SRPRA: variants seen among roughly 807,000 people sequenced by gnomAD.
SRPRA encodes the protein signal recognition particle receptor subunit alpha.
Under a neutral mutation model 61.1 loss-of-function variants are expected in SRPRA, and 30 were observed. The observed-to-expected ratio is 0.49, with a 90% CI of 0.37 to 0.67. The LOEUF (loss-of-function observed/expected upper bound fraction) is 0.67. SRPRA is among the 30% of genes least tolerant of loss of function. The probability of loss-of-function intolerance (pLI) is 0.00; values close to 1 mark genes in which losing one functional copy is unlikely to be tolerated. For missense variants in SRPRA, 759 were observed against 828.4 expected, an observed-to-expected ratio of 0.92 and a Z score of 1.03; for synonymous variants, 324 against 299.7, an observed-to-expected ratio of 1.08 and a Z score of -0.84.
Position 126,265,828 on chromosome 11 carries a change from GGA to G in SRPRA, c.1052-7_1052-6del, listed in dbSNP as rs761391045. 10 of 1,614,128 alleles carry G rather than the reference GGA, an allele frequency of 6.2e-6. No individual in the cohort carries two copies. In the African/African-American group the frequency reaches 9.3e-5, roughly 15 times the overall value. On this transcript the variant is annotated splice_polypyrimidine_tract_variant and splice_region_variant and intron_variant, in intron 8 of 13. Transcript: ENST00000332118. This position sits in a 1 kb window ranked among gnomAD's most constrained non-coding sequence, Gnocchi z 6.3. ...TGTCTGCAGCCACGTTCTTAGCTGA[GGA>G]GAGGGGGACAGGTATGTCAGTTCCA...
At chr11:126,250,553 A>C in the SRPRA span, 1 of 1,614,108 alleles carries the variant, frequency 6.2e-7, no homozygotes, top group Non-Finnish European at 8.5e-7. This position sits in a 1 kb window ranked among gnomAD's most constrained non-coding sequence, Gnocchi z 5.1. Context: ...GTTTATATGA[A>C]GTATTTGATG....
the SRPRA span, among the ~76,000 whole-genome samples, chr11:126,249,731 C>CAAAA: frequency 3.7e-4 from 29 of 78,984 alleles, 1 homozygote; most frequent in African/African-American, 1.2e-3. Flanking sequence ...GACTCCGTCT[C>CAAAA]AAAAAAAAAA....
chr11:126,244,633 G>A, the SRPRA span, among the ~76,000 whole-genome samples: 4 of 151,980 alleles, frequency 2.6e-5, no homozygotes, highest in Admixed American at 1.3e-4. The surrounding 1 kb of genome is among the most constrained non-coding windows in gnomAD (Gnocchi z 4.5). Flanking sequence ...GTGAAACCCC[G>A]TCTCTACTAA....
At chr11:126,239,194 C>T in the SRPRA span, among the ~76,000 whole-genome samples, 1 of 151,984 alleles carries the variant, frequency 6.6e-6, no homozygotes, top group Non-Finnish European at 1.5e-5. Context: ...AGGCTTGTCT[C>T]AAACTCCTGG....
downstream of SRPRA, among the ~76,000 whole-genome samples, chr11:126,259,782 G>A (rs1395903389): frequency 2.0e-5 from 3 of 147,794 alleles, no homozygotes; most frequent in Admixed American, 6.8e-5. Flanking sequence ...GTGCAGTGGC[G>A]CAATCTCAGC....
chr11:126,267,782 A>G lies in SRPRA; in HGVS notation c.202-70T>C. ...CCTAGAATGGAGGGACGCCAACTCA[A>G]CCCTGGCTTTCAGAGATAGGTTCAG... On this transcript the variant is annotated intron_variant, in intron 2 of 13. Transcript: ENST00000332118. The surrounding 1 kb of genome is among the most constrained non-coding windows in gnomAD (Gnocchi z 4.2). The G allele has an allele frequency of 1.3e-6, 2 of 1,589,738 alleles. No individual in the cohort carries two copies. The highest frequency in any genetic ancestry group is 1.7e-6 in the Non-Finnish European group (2 of 1,163,776).
In SRPRA at chr11:126,265,113, A is replaced by G; in HGVS notation, c.1371T>C (p.Phe457=). The change falls in exon 11 of 14, where the codon TTT becomes TTC. Residue 457 remains phenylalanine, a synonymous_variant. Transcript: ENST00000332118. This position sits in a 1 kb window ranked among gnomAD's most constrained non-coding sequence, Gnocchi z 6.3. ...FSVLIAACDT[F]RAGAVEQLRT... is the part of the protein sequence containing the mutation. ...GCAGCTGCTCCACGGCCCCAGCACG[A>G]AATGTATCACAGGCAGCAATGAGGA... 1.2e-6 allele frequency: 2 copies of G among 1,614,218 alleles called. No homozygotes were observed. Among genetic ancestry groups the G allele is most frequent in the Non-Finnish European group, 1.7e-6 (2 of 1,180,046 alleles).
rs747659250 is a variant in SRPRA, at chr11:126,268,838, G to A, written c.-34C>T. On this transcript the variant is annotated 5_prime_UTR_variant, in exon 1 of 14. Coordinates refer to ENST00000332118, the MANE Select transcript of SRPRA (RefSeq NM_003139.4). Reference sequence around the variant, plus strand: ...CGGCAGAGGAGCTGGGGCCGGCGCCGGGAATTCAGGCCGCGTTCGCCGCCG... The same window carrying A: ...CGGCAGAGGAGCTGGGGCCGGCGCCAGGAATTCAGGCCGCGTTCGCCGCCG... 12 of 1,568,054 alleles carry A rather than the reference G, an allele frequency of 7.7e-6. No individual in the cohort carries two copies. The highest frequency in any genetic ancestry group is 6.7e-5 in the East Asian group (3 of 44,658).
At chr11:126,261,892 TAGG>T (rs1390378672), downstream of SRPRA, among the ~76,000 whole-genome samples, 2 of 151,966 alleles carry the variant, frequency 1.3e-5, no homozygotes, top group African/African-American at 4.8e-5. Flanking sequence ...CTGGCTGAGG[TAGG>T]AGGATTGCTT....
the SRPRA span, among the ~76,000 whole-genome samples, chr11:126,248,771 G>A: frequency 6.9e-3 from 1,048 of 152,254 alleles, 10 homozygotes; most frequent in African/African-American, 0.024. Flanking sequence ...ACTTAATCAC[G>A]TCTTACTAGG....
the SRPRA span, chr11:126,254,329 C>G: frequency 9.5e-5 from 154 of 1,613,964 alleles, 1 homozygote; most frequent in Admixed American, 1.7e-5. Context: ...TCAGGAGAAG[C>G]GTAAGCTGAG....
At chr11:126,262,266 T>C (rs1000850047), downstream of SRPRA, 31 of 910,076 alleles carry the variant, frequency 3.4e-5, no homozygotes, top group Non-Finnish European at 5.1e-5. Context: ...AAGGGCGGGG[T>C]AGAAGAGGGG....
chr11:126,248,661 C>T, the SRPRA span, among the ~76,000 whole-genome samples: 6 of 152,158 alleles, frequency 3.9e-5, no homozygotes, highest in South Asian at 1.0e-3. Context: ...TGAGCCAGCA[C>T]GCCCGGCCCA....
chr11:126,267,704 A>C lies in SRPRA; in HGVS notation c.210T>G (p.Phe70Leu). 1 of 1,614,046 alleles carries C rather than the reference A, an allele frequency of 6.2e-7. No homozygotes were observed. Among genetic ancestry groups the C allele is most frequent in the African/African-American group, 1.3e-5 (1 of 75,052 alleles). Residue 70 changes from phenylalanine (F) to leucine (L), a missense_variant, in exon 3 of 14, where the codon TTT (phenylalanine) becomes TTG (leucine). By Grantham distance (22) the Phe-to-Leu change is conservative. This residue lies in a region of SRPRA where 475 missense variants were observed against 462.5 expected (regional missense o/e 1.03). Transcript: ENST00000332118. The surrounding 1 kb of genome is among the most constrained non-coding windows in gnomAD (Gnocchi z 4.2). The stretch of plus-strand genomic sequence containing the variant: ...CATATGTCAGTGTCAGGATCTTCTG[A>C]AAACCAACCTGTTTAGGGGAAGAAA... ...NQFELVFVVG[F>L]QKILTLTYVD... is the part of the protein sequence containing the mutation.
At chr11:126,254,340 C>T in the SRPRA span, 34 of 1,613,586 alleles carry the variant, frequency 2.1e-5, 1 homozygote, top group African/African-American at 2.7e-4. Flanking sequence ...GTAAGCTGAG[C>T]GTGTTGCATA....
chr11:126,264,163 C>T lies in SRPRA; in HGVS notation c.1788+28G>A. On this transcript the variant is annotated intron_variant, in intron 13 of 13. Coordinates refer to ENST00000332118, the MANE Select transcript of SRPRA (RefSeq NM_003139.4). This position sits in a 1 kb window ranked among gnomAD's most constrained non-coding sequence, Gnocchi z 5.0. ...GCCTCAGCTCCTTTGTGCAGGACGC[C>T]CATTCCAGCCTCCAGTCTCACGTTT... 6.2e-7 allele frequency: 1 copy of T among 1,612,722 alleles called. No individual in the cohort carries two copies. Among genetic ancestry groups the T allele is most frequent in the Non-Finnish European group, 8.5e-7 (1 of 1,179,034 alleles).
chr11:126,247,022 G>A, the SRPRA span, among the ~76,000 whole-genome samples: 1 of 152,210 alleles, frequency 6.6e-6, no homozygotes, highest in Non-Finnish European at 1.5e-5. Context: ...GCCTAGTGTG[G>A]TGGTACACGC....
rs1258501667 is a variant in SRPRA, at chr11:126,265,268, C to A, written c.1311G>T (p.Lys437Asn). 1 of 1,614,026 alleles carries A rather than the reference C, an allele frequency of 6.2e-7. No homozygotes were observed. Among genetic ancestry groups the A allele is most frequent in the Non-Finnish European group, 8.5e-7 (1 of 1,179,918 alleles). The change falls in exon 10 of 14, where the codon AAG (lysine) becomes AAT (asparagine). Residue 437 changes from lysine to asparagine, a missense_variant and splice_region_variant. Physicochemically the swap from Lys to Asn is moderately conservative, Grantham distance 94. Transcript: ENST00000332118. This position sits in a 1 kb window ranked among gnomAD's most constrained non-coding sequence, Gnocchi z 6.3. ...NGVGKSTNLA[K>N]ISFWLLENGF... ...CGATAGGCTGGGGAACTGCACTGAC[C>A]TTGGCAAGATTAGTAGATTTCCCCA... is the stretch of plus-strand genomic sequence containing the variant.
rs1352452679 is a variant in SRPRA, at chr11:126,267,226, T to C, written c.475A>G (p.Lys159Glu). Residue 159 changes from lysine (K) to glutamate (E), a missense_variant, in exon 4 of 14, where the codon AAG (lysine) becomes GAG (glutamate). Coordinates refer to ENST00000332118, the MANE Select transcript of SRPRA (RefSeq NM_003139.4). The surrounding 1 kb of genome is among the most constrained non-coding windows in gnomAD (Gnocchi z 4.2). ...CTATTCTTTGCTTTTTCCTTGGGCT[T>C]TTCCCCCCGTGTCTCAATCATGGAC... Reference protein sequence around the residue: ...VRSMIETRGEKPKEKAKNSKK... With the variant: ...VRSMIETRGEEPKEKAKNSKK... The C allele has an allele frequency of 1.9e-6, 3 of 1,614,170 alleles. No individual in the cohort carries two copies. Among genetic ancestry groups the C allele is most frequent in the Admixed American group, 1.7e-5 (1 of 60,018 alleles).
Sources: allele counts gnomAD v4.1 joint callset (sites outside exome capture counted in the v4.1 genomes callset), GRCh38; gene constraint gnomAD v4.1.1; regional missense constraint gnomAD v4.1.1; non-coding constraint Gnocchi (gnomAD v3.1); transcripts MANE v1.5; gene names NCBI Gene and HGNC (gene_info 2026-07-23, HGNC 2026-07-21).